Variants in SLC16A7 observed in about 807,000 individuals in gnomAD.
The protein encoded by SLC16A7 is solute carrier family 16 member 7.
SLC16A7 carries 33 observed loss-of-function variants against 34.9 expected under a neutral mutation model. The observed-to-expected ratio is 0.94, with a 90% CI of 0.72 to 1.26. The LOEUF (loss-of-function observed/expected upper bound fraction) is 1.26, where lower values mean the gene tolerates loss of function less well. Ranked by LOEUF, SLC16A7 falls within the 50% of genes most tolerant of loss-of-function variation. The pLI is 0.00. For synonymous variants in SLC16A7, 201 were observed against 206.6 expected (o/e 0.97, Z 0.23); for missense variants, 573 against 578.1 (o/e 0.99, Z 0.09).
At position 59,623,914 on chromosome 12, in the gene SLC16A7, C is replaced by G. The variant is rs529139593; in HGVS notation, c.-130+27678C>G. On this transcript the variant is annotated intron_variant, in intron 1 of 5. Transcript: ENST00000547379. ...TTCATCAGATTAAGGAATTTTTCTT[C>G]TATTTTTAGGTTGGTAGGGTTTTGA... 2.0e-5 allele frequency among the ~76,000 whole-genome samples: 3 copies of G among 151,196 alleles called. No homozygotes were observed. The East Asian group carries it at 5.8e-4, about 29-fold the overall frequency.
intron 2 of SLC16A7, among the ~76,000 whole-genome samples, chr12:59,681,460 T>TA (rs71278298): frequency 3.9e-5 from 6 of 152,282 alleles, no homozygotes; most frequent in African/African-American, 1.4e-4. Flanking sequence ...TTTTTTTTTT[T>TA]ATCTAGATAC....
intron 3 of SLC16A7, among the ~76,000 whole-genome samples, chr12:59,747,631 T>G (rs191249865): frequency 6.6e-6 from 1 of 152,304 alleles, no homozygotes; most frequent in Admixed American, 6.5e-5. Context: ...CTCACACTTT[T>G]TAAAGCAAAC....
At chr12:59,713,571 T>C (rs568205766) in intron 3 of SLC16A7, among the ~76,000 whole-genome samples, 35 of 152,328 alleles carry the variant, frequency 2.3e-4, no homozygotes, top group African/African-American at 7.9e-4. Context: ...GCAGAGTAAA[T>C]GCATTGTTCC....
At chr12:59,700,424 C>T (rs899077370) in intron 2 of SLC16A7, among the ~76,000 whole-genome samples, 2 of 149,676 alleles carry the variant, frequency 1.3e-5, no homozygotes, top group Non-Finnish European at 3.0e-5. Flanking sequence ...TTATATATGT[C>T]ATATGCATAT....
At position 59,625,701 on chromosome 12, in the gene SLC16A7, T is replaced by C. The variant is rs553851705; in HGVS notation, c.-129-29451T>C. On this transcript the variant is annotated intron_variant, in intron 1 of 5. Transcript: ENST00000547379. ...TATTAGTTATTTTTCCCTTTCACTT[T>C]ATTTGACCTGTGGTCTACTTAGCTG... 3.9e-5 allele frequency among the ~76,000 whole-genome samples: 6 copies of C among 151,964 alleles called. No individual in the cohort carries two copies. In the East Asian group the frequency reaches 9.7e-4, roughly 25 times the overall value.
At chr12:59,731,206 T>C (rs1287340837) in intron 3 of SLC16A7, among the ~76,000 whole-genome samples, 2 of 152,176 alleles carry the variant, frequency 1.3e-5, no homozygotes, top group African/African-American at 4.8e-5. Context: ...ATGAATCAAA[T>C]AAGAAACTGC....
At chr12:59,752,789 A>G (rs1198731139) in intron 3 of SLC16A7, among the ~76,000 whole-genome samples, 1 of 152,200 alleles carries the variant, frequency 6.6e-6, no homozygotes, top group Non-Finnish European at 1.5e-5. Context: ...GAGCAACTCC[A>G]AGACACATAA....
At chr12:59,768,208 C>T (rs1353631793) in intron 3 of SLC16A7, 1 of 455,542 alleles carries the variant, frequency 2.2e-6, no homozygotes. Flanking sequence ...TTCTAGATAA[C>T]ATCACGATCA....
At chr12:59,678,712 C>A (rs777429704) in intron 2 of SLC16A7, among the ~76,000 whole-genome samples, 1 of 152,090 alleles carries the variant, frequency 6.6e-6, no homozygotes, top group Non-Finnish European at 1.5e-5. Context: ...GGCAGCCTGG[C>A]CCCCAAGCTT....
Position 59,786,215 on chromosome 12 carries a change from A to G in SLC16A7, c.*6536A>G, listed in dbSNP as rs1883612664. 6.8e-6 allele frequency: 1 copy of G among 147,412 alleles called. No individual in the cohort carries two copies. Among genetic ancestry groups the G allele is most frequent in the Admixed American group, 6.7e-5 (1 of 15,016 alleles). 9.1% of individuals were successfully genotyped at this position (147,412 alleles called of 1,614,324 possible). On this transcript the variant is annotated 3_prime_UTR_variant, in exon 6 of 6. Coordinates refer to ENST00000547379, the MANE Select transcript of SLC16A7 (RefSeq NM_001270623.2). ...ATAAATAAAATAAAATAAAATAATA[A>G]AAATAAAAATAAAATAGAATAAGTT... is the stretch of plus-strand genomic sequence containing the variant.
At chr12:59,667,723 G>T (rs963160138) in intron 2 of SLC16A7, among the ~76,000 whole-genome samples, 6 of 152,222 alleles carry the variant, frequency 3.9e-5, no homozygotes, top group African/African-American at 1.4e-4. Flanking sequence ...GTAACAAGGA[G>T]CCAAATGCTA....
intron 1 of SLC16A7, among the ~76,000 whole-genome samples, chr12:59,638,885 T>G (rs1243939168): frequency 6.6e-6 from 1 of 152,190 alleles, no homozygotes; most frequent in Admixed American, 6.5e-5. Context: ...ACATTAAGTT[T>G]TAATTTAATA....
chr12:59,670,645 G>A (rs1191066734), intron 2 of SLC16A7, among the ~76,000 whole-genome samples: 1 of 152,118 alleles, frequency 6.6e-6, no homozygotes, highest in African/African-American at 2.4e-5. Context: ...ATGGTGGGAT[G>A]GATAGGGAAT....
At chr12:59,708,562 C>G (rs1287357697) in intron 3 of SLC16A7, among the ~76,000 whole-genome samples, 1 of 152,102 alleles carries the variant, frequency 6.6e-6, no homozygotes, top group Non-Finnish European at 1.5e-5. Context: ...TAATGAGTCT[C>G]TCTAGCAAGT....
chr12:59,711,210 G>T (rs570112725), intron 3 of SLC16A7, among the ~76,000 whole-genome samples: 5 of 152,178 alleles, frequency 3.3e-5, no homozygotes. Context: ...GAGCAGTTCC[G>T]TAATGGAAGG....
intron 2 of SLC16A7, among the ~76,000 whole-genome samples, chr12:59,697,371 G>T (rs527451981): frequency 1.0e-3 from 159 of 152,128 alleles, no homozygotes; most frequent in African/African-American, 3.4e-3. Context: ...ATATGTAGTT[G>T]TGTGTATGCA....
intron 3 of SLC16A7, among the ~76,000 whole-genome samples, chr12:59,724,796 A>G (rs534694614): frequency 6.6e-6 from 1 of 152,184 alleles, no homozygotes; most frequent in Admixed American, 6.6e-5. Context: ...ATGTATTTTA[A>G]GAATAACTTT....
At chr12:59,647,202 C>T (rs1165607018) in intron 1 of SLC16A7, among the ~76,000 whole-genome samples, 2 of 152,074 alleles carry the variant, frequency 1.3e-5, no homozygotes, top group Non-Finnish European at 2.9e-5. Flanking sequence ...ATATGGTTGG[C>T]TGTGTCCCTA....
intron 1 of SLC16A7, among the ~76,000 whole-genome samples, chr12:59,616,103 A>T (rs1672748886): frequency 6.6e-6 from 1 of 152,214 alleles, no homozygotes; most frequent in Non-Finnish European, 1.5e-5. Context: ...TGCCTGAGGT[A>T]ACTGGCTTGT....
Sources: allele counts gnomAD v4.1 joint callset (sites outside exome capture counted in the v4.1 genomes callset), GRCh38; gene constraint gnomAD v4.1.1; transcripts MANE v1.5; gene names NCBI Gene and HGNC (gene_info 2026-07-23, HGNC 2026-07-21).